CMIP: variants seen among roughly 807,000 people sequenced by gnomAD.
The protein encoded by CMIP is c-Maf inducing protein.
CMIP carries 13 observed loss-of-function variants against 97.3 expected under a neutral mutation model. The observed-to-expected ratio is 0.13, with a 90% CI of 0.09 to 0.21. The LOEUF is 0.21. Among genes scored for constraint, CMIP ranks in the 10% least tolerant of loss-of-function variants. The pLI is 1.00. For missense variants in CMIP, 847 were observed against 1,024.9 expected, an observed-to-expected ratio of 0.83 and a Z score of 2.37; for synonymous variants, 538 against 436.3, an observed-to-expected ratio of 1.23 and a Z score of -2.91.
chr16:81,654,018 G>T (rs1342771420), intron 4 of CMIP, among the ~76,000 whole-genome samples: 1 of 152,182 alleles, frequency 6.6e-6, no homozygotes, highest in Non-Finnish European at 1.5e-5. Context: ...GGAGCTAGAA[G>T]TTCCACCTTA....
chr16:81,488,468 G>A (rs1435249798), intron 1 of CMIP, among the ~76,000 whole-genome samples: 1 of 152,202 alleles, frequency 6.6e-6, no homozygotes, highest in Non-Finnish European at 1.5e-5. Context: ...GGAGTGTGCT[G>A]TTAGCCATCA....
chr16:81,562,228 C>G (rs1007881795), intron 1 of CMIP, among the ~76,000 whole-genome samples: 1 of 152,218 alleles, frequency 6.6e-6, no homozygotes, highest in Non-Finnish European at 1.5e-5. Context: ...ACTCGGATCT[C>G]CTGGGACCCT....
rs138488655 is a variant in CMIP at position 81,511,717 on chromosome 16, C to T, written c.300+66176C>T. 1.3e-4 allele frequency among the ~76,000 whole-genome samples: 20 copies of T among 152,288 alleles called. No individual in the cohort carries two copies. The East Asian group carries it at 2.7e-3, about 21-fold the overall frequency. On this transcript the variant is annotated intron_variant, in intron 1 of 20. Transcript: ENST00000537098. ...CTGGGACTACAGGTGTGCACCACCA[C>T]GCCTGCCTAATTTTTTGTATGTTTT...
intron 1 of CMIP, among the ~76,000 whole-genome samples, chr16:81,575,291 G>T (rs1239065187): frequency 6.6e-6 from 1 of 152,104 alleles, no homozygotes; most frequent in Non-Finnish European, 1.5e-5. Flanking sequence ...GCCTCCTCTG[G>T]GCTTTACCAG....
intron 1 of CMIP, among the ~76,000 whole-genome samples, chr16:81,497,686 G>A (rs540751812): frequency 5.1e-4 from 78 of 152,346 alleles, no homozygotes; most frequent in African/African-American, 1.8e-3. Flanking sequence ...CACAGGACTC[G>A]CATAGAGTGC....
chr16:81,577,188 CCAT>C (rs2091206103), intron 1 of CMIP, among the ~76,000 whole-genome samples: 2 of 145,264 alleles, frequency 1.4e-5, no homozygotes, highest in South Asian at 2.2e-4. Context: ...ATCACCATCA[CCAT>C]CATCACCATC....
chr16:81,702,683 G>C lies in CMIP; in HGVS notation c.1944+14G>C. On this transcript the variant is annotated intron_variant, in intron 17 of 20. Coordinates refer to ENST00000537098, the MANE Select transcript of CMIP (RefSeq NM_198390.3). ...TCCAAGTCCACAGTGAGTTGGTTTGGTTCTCTTTGGGGCTGGATGGAGAAG... is the reference window on the plus strand; with the variant it reads ...TCCAAGTCCACAGTGAGTTGGTTTGCTTCTCTTTGGGGCTGGATGGAGAAG... 6.2e-7 allele frequency: 1 copy of C among 1,611,972 alleles called. No individual in the cohort carries two copies. Among genetic ancestry groups the C allele is most frequent in the Non-Finnish European group, 8.5e-7 (1 of 1,178,688 alleles).
At chr16:81,449,389 T>C (rs977723741) in intron 1 of CMIP, among the ~76,000 whole-genome samples, 1 of 152,242 alleles carries the variant, frequency 6.6e-6, no homozygotes, top group African/African-American at 2.4e-5. Context: ...TTTAGTCTGG[T>C]GTTTTCTGAA....
intron 15 of CMIP, 81 bp from the exon 16 acceptor site, chr16:81,701,579 A>T (rs1273829512): frequency 2.1e-5 from 34 of 1,596,506 alleles, no homozygotes; most frequent in Non-Finnish European, 2.7e-5. Flanking sequence ...GGTTTTCAAA[A>T]CAAGGCCCTT....
intron 10 of CMIP, among the ~76,000 whole-genome samples, chr16:81,681,287 T>G (rs1034646066): frequency 2.6e-5 from 4 of 152,326 alleles, no homozygotes; most frequent in African/African-American, 9.6e-5. Context: ...TGCTGGCTCA[T>G]TGGAGGCTTC....
Position 81,453,372 on chromosome 16 carries a change from G to A in CMIP, c.300+7831G>A, listed in dbSNP as rs552868311. On this transcript the variant is annotated intron_variant, in intron 1 of 20. Transcript: ENST00000537098. The surrounding 1 kb of genome is among the most constrained non-coding windows in gnomAD (Gnocchi z 4.0). ...ACAGCCATCTGGGTGCTTCCCTTGGGCTGGGCTGGCTGCATCCAGCTCAGG... is the reference window on the plus strand; with the variant it reads ...ACAGCCATCTGGGTGCTTCCCTTGGACTGGGCTGGCTGCATCCAGCTCAGG... Among the ~76,000 whole-genome samples, 1 of 152,338 alleles carries A rather than the reference G, an allele frequency of 6.6e-6. No homozygotes were observed. Among genetic ancestry groups the A allele is most frequent in the East Asian group, 1.9e-4 (1 of 5,184 alleles).
chr16:81,704,240 T>C (rs1285623098), intron 18 of CMIP, among the ~76,000 whole-genome samples, 155 bp downstream of exon 18: 2 of 26,302 alleles, frequency 7.6e-5, no homozygotes, highest in East Asian at 1.5e-3. Context: ...CTGCCCCCCT[T>C]ACTCTCCTCC....
intron 1 of CMIP, among the ~76,000 whole-genome samples, chr16:81,524,109 C>T (rs970244593): frequency 2.0e-5 from 3 of 152,222 alleles, no homozygotes; most frequent in Admixed American, 2.0e-4. Flanking sequence ...ACCCTCTGAC[C>T]TGTGAGGTGC....
chr16:81,499,267 G>A (rs1321825956), intron 1 of CMIP, among the ~76,000 whole-genome samples: 1 of 152,110 alleles, frequency 6.6e-6, no homozygotes. Context: ...CAATCTCAAG[G>A]TCATGGATGC....
intron 18 of CMIP, among the ~76,000 whole-genome samples, chr16:81,704,846 C>G (rs1007630162): frequency 2.0e-5 from 3 of 150,804 alleles, no homozygotes; most frequent in African/African-American, 4.9e-5. Context: ...CTCATGAAGC[C>G]CTGCAGCCCA....
intron 1 of CMIP, among the ~76,000 whole-genome samples, chr16:81,467,425 C>T (rs746640227): frequency 2.0e-5 from 3 of 152,154 alleles, no homozygotes; most frequent in Admixed American, 1.3e-4. Flanking sequence ...TCTCTTTACC[C>T]CGTAAAGGCC....
At chr16:81,582,615 C>T (rs988596324) in intron 1 of CMIP, among the ~76,000 whole-genome samples, 3 of 151,998 alleles carry the variant, frequency 2.0e-5, no homozygotes. Context: ...CGAACCCAGC[C>T]CAGAATCCAG....
intron 1 of CMIP, among the ~76,000 whole-genome samples, chr16:81,480,944 T>C (rs766838068): frequency 6.6e-6 from 1 of 152,154 alleles, no homozygotes; most frequent in Non-Finnish European, 1.5e-5. Context: ...AAGTTGAGGC[T>C]GAATGCAGTG....
intron 4 of CMIP, 136 bp from the exon 5 acceptor site, chr16:81,657,639 T>A (rs1441691864): frequency 2.8e-6 from 2 of 722,252 alleles, no homozygotes; most frequent in African/African-American, 3.6e-5. Flanking sequence ...TCTGTTTAAT[T>A]AAGAAAAAAT....
Sources: gnomAD v4.1 joint callset for allele counts (sites outside exome capture counted in the v4.1 genomes callset) on GRCh38, gnomAD v4.1.1 for gene constraint, Gnocchi (gnomAD v3.1) non-coding constraint, MANE v1.5 for transcripts, NCBI Gene and HGNC (gene_info 2026-07-23, HGNC 2026-07-21) for gene names.